Variants in OLFM2 observed in about 807,000 individuals in gnomAD.
OLFM2 encodes the protein olfactomedin 2.
In OLFM2, 20 loss-of-function variants were observed where a neutral mutation model predicts 43.9. The observed-to-expected ratio is 0.46, with a 90% CI of 0.32 to 0.66. OLFM2 has a LOEUF of 0.66. Ranked by LOEUF, OLFM2 falls within the 30% of genes least tolerant of loss-of-function variation. The pLI is 0.04. For missense variants in OLFM2, 416 were observed against 643.6 expected, an observed-to-expected ratio of 0.65 and a Z score of 3.83; for synonymous variants, 268 against 278.6, an observed-to-expected ratio of 0.96 and a Z score of 0.38.
intron 1 of OLFM2, among the ~76,000 whole-genome samples, chr19:9,877,465 G>T (rs1169896785): frequency 6.6e-6 from 1 of 151,896 alleles, no homozygotes; most frequent in African/African-American, 2.4e-5. Flanking sequence ...CTCGGGAGGC[G>T]GAGGTTGCGG....
At position 9,857,839 on chromosome 19, in the gene OLFM2, A is replaced by C; in HGVS notation, c.236T>G (p.Met79Arg). 1.2e-6 allele frequency: 2 copies of C among 1,614,102 alleles called. No individual in the cohort carries two copies. Among genetic ancestry groups the C allele is most frequent in the Non-Finnish European group, 1.7e-6 (2 of 1,180,030 alleles). ...MEKVQNVSQS[M>R]EVLELRTYRD... Reference sequence around the variant, plus strand: ...ATACGTCCGCAACTCAAGGACCTCCATGGACTGGGAGACGTTCTGGACCTA... The same window carrying C: ...ATACGTCCGCAACTCAAGGACCTCCCTGGACTGGGAGACGTTCTGGACCTA... Residue 79 changes from methionine (M) to arginine (R), a missense_variant, in exon 3 of 6, where the codon ATG becomes AGG. Met to Arg is a moderately conservative substitution (Grantham distance 91). Transcript: ENST00000264833. The surrounding 1 kb of genome is among the most constrained non-coding windows in gnomAD (Gnocchi z 5.7).
Position 9,872,439 on chromosome 19 carries a change from T to C in OLFM2, c.64-11645A>G, listed in dbSNP as rs569528069. ...CTGAGGTGGGAGGATCGCCTGAGCC[T>C]GGGAGGCAGAGGTTGCAGTGAGCCG... On this transcript the variant is annotated intron_variant, in intron 1 of 5. Coordinates refer to ENST00000264833, the MANE Select transcript of OLFM2 (RefSeq NM_058164.4). 9.9e-5 allele frequency among the ~76,000 whole-genome samples: 15 copies of C among 151,512 alleles called. No homozygotes were observed. The South Asian group carries it at 3.1e-3, about 32-fold the overall frequency.
At chr19:9,909,495 A>T (rs1344451180) in intron 1 of OLFM2, among the ~76,000 whole-genome samples, 1 of 152,100 alleles carries the variant, frequency 6.6e-6, no homozygotes, top group African/African-American at 2.4e-5. Flanking sequence ...GATGGTCTAT[A>T]ACCACAGGAA....
chr19:9,854,702 G>A lies in OLFM2; in HGVS notation c.849C>T (p.Tyr283=). The A allele has an allele frequency of 4.3e-6, 7 of 1,614,214 alleles. No individual in the cohort carries two copies. Among genetic ancestry groups the A allele is most frequent in the Non-Finnish European group, 5.9e-6 (7 of 1,180,038 alleles). Residue 283 remains tyrosine (Y), a synonymous_variant, in exon 6 of 6, where the codon TAC becomes TAT. Coordinates refer to ENST00000264833, the MANE Select transcript of OLFM2 (RefSeq NM_058164.4). This position sits in a 1 kb window ranked among gnomAD's most constrained non-coding sequence, Gnocchi z 9.5. ...VYNGSLFYNK[Y]QSNVVVKYHF... ...GGTATTTGACCACCACGTTGCTCTG[G>A]TACTTGTTATAGAACAGGGAGCCGT...
At chr19:9,882,365 C>G (rs1309314745) in intron 1 of OLFM2, among the ~76,000 whole-genome samples, 3 of 148,706 alleles carry the variant, frequency 2.0e-5, no homozygotes, top group African/African-American at 7.5e-5. Flanking sequence ...AGTGAAACCC[C>G]GTCTCTACTA....
chr19:9,886,746 T>A (rs999712738), intron 1 of OLFM2, among the ~76,000 whole-genome samples: 1 of 151,560 alleles, frequency 6.6e-6, no homozygotes, highest in Non-Finnish European at 1.5e-5. Flanking sequence ...TTCTTTTTTT[T>A]AAATCTCAGC....
At position 9,915,674 on chromosome 19, in the gene OLFM2, C is replaced by T. The variant is rs527604814; in HGVS notation, c.63+20630G>A. The stretch of plus-strand genomic sequence containing the variant: ...CTGGGACTACAGGCACCCACCACCA[C>T]GCCCGGCTAATTTTTTGTATTTTTT... On this transcript the variant is annotated intron_variant, in intron 1 of 5. Coordinates refer to ENST00000264833, the MANE Select transcript of OLFM2 (RefSeq NM_058164.4). Among the ~76,000 whole-genome samples, 24 of 152,134 alleles carry T rather than the reference C, an allele frequency of 1.6e-4. No individual in the cohort carries two copies. The East Asian group carries it at 4.3e-3, about 27-fold the overall frequency.
chr19:9,913,529 A>G, intron 1 of OLFM2: 1 of 1,200,932 alleles, frequency 8.3e-7, no homozygotes, highest in Admixed American at 4.5e-5. Flanking sequence ...GTTGAGCCCC[A>G]CGAGCGAGGG....
In OLFM2 at chr19:9,857,474, C is replaced by G. The variant is rs760938335; in HGVS notation, c.369G>C (p.Lys123Asn). ...SLSAKSFQELKDRMTELLPLS... is the reference protein window; with the variant it reads ...SLSAKSFQELNDRMTELLPLS... ...GGGGCAACAGTTCCGTCATCCTGTCCTTCAGCTCCTGTGCATCAAGATGGA... is the reference window on the plus strand; with the variant it reads ...GGGGCAACAGTTCCGTCATCCTGTCGTTCAGCTCCTGTGCATCAAGATGGA... The change falls in exon 4 of 6, where the codon AAG becomes AAC. Residue 123 changes from lysine to asparagine, a missense_variant. Lys to Asn is a moderately conservative substitution (Grantham distance 94, BLOSUM62 0). Coordinates refer to ENST00000264833, the MANE Select transcript of OLFM2 (RefSeq NM_058164.4). This position sits in a 1 kb window ranked among gnomAD's most constrained non-coding sequence, Gnocchi z 5.7. 1 of 1,613,652 alleles carries G rather than the reference C, an allele frequency of 6.2e-7. No individual in the cohort carries two copies. Among genetic ancestry groups the G allele is most frequent in the East Asian group, 2.2e-5 (1 of 44,878 alleles).
At chr19:9,901,648 CAGG>C (rs1346905480) in intron 1 of OLFM2, among the ~76,000 whole-genome samples, 1 of 152,040 alleles carries the variant, frequency 6.6e-6, no homozygotes, top group African/African-American at 2.4e-5. Context: ...CTCGCTTTGC[CAGG>C]AGTTCAGAGA....
intron 1 of OLFM2, among the ~76,000 whole-genome samples, chr19:9,897,449 G>T (rs1485263844): frequency 6.6e-6 from 1 of 152,142 alleles, no homozygotes; most frequent in African/African-American, 2.4e-5. Flanking sequence ...CGTGAGCTGG[G>T]ATCGCGCCAC....
intron 1 of OLFM2, among the ~76,000 whole-genome samples, chr19:9,924,737 G>A (rs568420758): frequency 6.6e-6 from 1 of 152,118 alleles, no homozygotes; most frequent in South Asian, 2.1e-4. Flanking sequence ...CCCACGCACC[G>A]TGCTGAAGTG....
chr19:9,931,708 CAAAAATA>C lies in OLFM2; in HGVS notation c.63+4589_63+4595del, dbSNP rs1568390179. ...TGGGTGACAGAACAAGACTCCATCT[CAAAAATA>C]AAAAAAAAAAAAGAAATAAAAAGAA... On this transcript the variant is annotated intron_variant, in intron 1 of 5. Coordinates refer to ENST00000264833, the MANE Select transcript of OLFM2 (RefSeq NM_058164.4). Among the ~76,000 whole-genome samples the C allele has an allele frequency of 2.5e-5, 3 of 117,766 alleles. No homozygotes were observed. The Admixed American group carries it at 2.6e-4, about 10-fold the overall frequency. 77.3% of individuals were successfully genotyped at this position (117,766 alleles called of 152,430 possible). A position where few individuals can be genotyped will look rare whatever the true frequency, so the allele number is the denominator to read the frequency against.
At chr19:9,892,802 C>T (rs769868184) in intron 1 of OLFM2, among the ~76,000 whole-genome samples, 11 of 152,184 alleles carry the variant, frequency 7.2e-5, no homozygotes, top group South Asian at 2.1e-4. Context: ...TTGGGTGACG[C>T]GGCTCAACAA....
At chr19:9,871,413 A>C (rs930334525) in intron 1 of OLFM2, among the ~76,000 whole-genome samples, 2 of 151,916 alleles carry the variant, frequency 1.3e-5, no homozygotes, top group Non-Finnish European at 2.9e-5. Flanking sequence ...TCTACTAAAA[A>C]TACAAAAAAA....
Position 9,883,320 on chromosome 19 carries a change from C to T in OLFM2, c.64-22526G>A, listed in dbSNP as rs2046556776. Among the ~76,000 whole-genome samples the T allele has an allele frequency of 3.9e-5, 6 of 152,028 alleles. 1 individual carries two copies. In the South Asian group the frequency reaches 1.2e-3, roughly 32 times the overall value. On this transcript the variant is annotated intron_variant, in intron 1 of 5. Coordinates refer to ENST00000264833, the MANE Select transcript of OLFM2 (RefSeq NM_058164.4). The stretch of plus-strand genomic sequence containing the variant: ...GGTAAGCATATCCAGGCTGACTCAG[C>T]CCATCCCTCTGGGTAAGCCCAAGAC...
intron 1 of OLFM2, among the ~76,000 whole-genome samples, chr19:9,891,049 C>G (rs2046634333): frequency 6.6e-6 from 1 of 152,138 alleles, no homozygotes; most frequent in South Asian, 2.1e-4. Context: ...TGCAGTGGCT[C>G]ACACTTGTAA....
intron 1 of OLFM2, among the ~76,000 whole-genome samples, chr19:9,902,009 AT>A (rs2046744251): frequency 6.6e-6 from 1 of 151,220 alleles, no homozygotes; most frequent in East Asian, 1.9e-4. Flanking sequence ...AACCTGCGTA[AT>A]CACTTTATAT....
chr19:9,909,580 C>CA (rs34694073), intron 1 of OLFM2, among the ~76,000 whole-genome samples: 95,486 of 151,986 alleles, frequency 0.63, 30,306 homozygotes, highest in African/African-American at 0.69. Flanking sequence ...CGCTCACCGC[C>CA]CCACACCACT....
Sources: gnomAD v4.1 joint callset for allele counts (sites outside exome capture counted in the v4.1 genomes callset) on GRCh38, gnomAD v4.1.1 for gene constraint, Gnocchi (gnomAD v3.1) non-coding constraint, MANE v1.5 for transcripts, NCBI Gene and HGNC (gene_info 2026-07-23, HGNC 2026-07-21) for gene names.